The following RFX7 variants were observed in gnomAD, a reference collection of about 807,000 sequenced individuals.
RFX7 encodes the protein DNA-binding protein RFX7.
A neutral mutation model predicts 111.8 loss-of-function variants in RFX7; 26 were observed. That is an observed-to-expected ratio of 0.23 (90% CI 0.17 to 0.32). The LOEUF is 0.32. Ranked by LOEUF, RFX7 falls within the 10% of genes least tolerant of loss-of-function variation. The pLI is 1.00. For synonymous variants in RFX7, 624 were observed against 624.4 expected, an observed-to-expected ratio of 1.00 and a Z score of 0.01; for missense variants, 1,573 against 1,772.9, an observed-to-expected ratio of 0.89 and a Z score of 2.02.
chr15:56,097,274 G>C (rs188389938), intron 9 of RFX7, among the ~76,000 whole-genome samples: 35 of 152,218 alleles, frequency 2.3e-4, no homozygotes, highest in African/African-American at 7.9e-4. Context: ...GATAGGAAAG[G>C]AGGAGACTGT....
intron 5 of RFX7, among the ~76,000 whole-genome samples, chr15:56,113,996 A>C (rs2041972637): frequency 6.6e-6 from 1 of 152,236 alleles, no homozygotes; most frequent in African/African-American, 2.4e-5. Context: ...AATTAGCTTG[A>C]GCCTTAGAAA....
intron 2 of RFX7, among the ~76,000 whole-genome samples, chr15:56,198,114 G>A (rs2043161979): frequency 2.0e-5 from 3 of 152,104 alleles, no homozygotes; most frequent in African/African-American, 7.2e-5. Context: ...TAAAGAGATG[G>A]GAAAAACTTT....
intron 2 of RFX7, among the ~76,000 whole-genome samples, chr15:56,233,611 A>G (rs2043591917): frequency 6.6e-6 from 1 of 152,228 alleles, no homozygotes; most frequent in African/African-American, 2.4e-5. Flanking sequence ...GAAAGAAGGA[A>G]AAGTGATATC....
chr15:56,192,171 C>T (rs1004566219), intron 2 of RFX7, among the ~76,000 whole-genome samples: 1 of 152,074 alleles, frequency 6.6e-6, no homozygotes, highest in Non-Finnish European at 1.5e-5. Flanking sequence ...ATGGTGGAAT[C>T]TGTTACTACT....
chr15:56,148,752 A>C (rs1246913081), intron 3 of RFX7, among the ~76,000 whole-genome samples: 1 of 152,138 alleles, frequency 6.6e-6, no homozygotes, highest in Non-Finnish European at 1.5e-5. Context: ...GAATCTGATC[A>C]CAGTGATGTA....
intron 2 of RFX7, among the ~76,000 whole-genome samples, chr15:56,214,016 G>A (rs1456728518): frequency 6.6e-6 from 1 of 152,008 alleles, no homozygotes; most frequent in African/African-American, 2.4e-5. Context: ...GCCCATTGCT[G>A]CCATTATCTG....
chr15:56,183,829 A>AT (rs34891239), intron 2 of RFX7, among the ~76,000 whole-genome samples: 49,906 of 151,890 alleles, frequency 0.33, 9,323 homozygotes, highest in East Asian at 0.41. Flanking sequence ...GATAATTTGC[A>AT]TTTTTTTAAT....
chr15:56,187,111 T>G (rs2043048167), intron 2 of RFX7, among the ~76,000 whole-genome samples: 1 of 152,036 alleles, frequency 6.6e-6, no homozygotes, highest in Non-Finnish European at 1.5e-5. Context: ...TTATACATTC[T>G]GGACAAAATA....
chr15:56,188,584 G>A (rs1236180337), intron 2 of RFX7, among the ~76,000 whole-genome samples: 2 of 152,198 alleles, frequency 1.3e-5, no homozygotes, highest in African/African-American at 2.4e-5. Context: ...AATGAAACCT[G>A]ACTAATGATA....
intron 5 of RFX7, among the ~76,000 whole-genome samples, chr15:56,119,758 C>G (rs372791276): frequency 7.4e-6 from 1 of 135,726 alleles, no homozygotes; most frequent in Non-Finnish European, 1.5e-5. Flanking sequence ...GCCTGGGTGA[C>G]AGAGTGACAC....
chr15:56,222,593 T>A (rs2043439042), intron 2 of RFX7, among the ~76,000 whole-genome samples: 2 of 152,168 alleles, frequency 1.3e-5, no homozygotes, highest in Non-Finnish European at 2.9e-5. Flanking sequence ...TTCCAATCTG[T>A]CATTTAGCAT....
rs752319101 is a variant in RFX7, at chr15:56,144,496, G to A, written c.196-13C>T. Reference sequence around the variant, plus strand: ...TCTCAACTTCTTGCTATTTACAAAGGATTAAAAAGAAAGATCATTTTTAAA... The same window carrying A: ...TCTCAACTTCTTGCTATTTACAAAGAATTAAAAAGAAAGATCATTTTTAAA... On this transcript the variant is annotated splice_polypyrimidine_tract_variant and intron_variant, in intron 3 of 9. Coordinates refer to ENST00000559447, the MANE Select transcript of RFX7 (RefSeq NM_022841.7). The A allele has an allele frequency of 7.5e-7, 1 of 1,327,194 alleles. No homozygotes were observed. The allele number at this position is 1,327,194 out of a possible 1,614,324, so 82.2% of individuals were successfully genotyped here.
intron 5 of RFX7, among the ~76,000 whole-genome samples, chr15:56,111,105 T>C (rs1254308264): frequency 5.4e-5 from 7 of 129,858 alleles, no homozygotes; most frequent in African/African-American, 1.7e-4. Context: ...TACTGGGAAG[T>C]GAGGAGCCCC....
chr15:56,193,457 TTGA>T (rs1451069483), intron 2 of RFX7, among the ~76,000 whole-genome samples: 14 of 152,340 alleles, frequency 9.2e-5, no homozygotes, highest in African/African-American at 3.4e-4. Context: ...ATTTTTTAAA[TTGA>T]TGATTGTTGA....
intron 5 of RFX7, among the ~76,000 whole-genome samples, chr15:56,105,889 A>C (rs191019917): frequency 6.6e-6 from 1 of 152,184 alleles, no homozygotes; most frequent in Non-Finnish European, 1.5e-5. Context: ...GCAATTACAA[A>C]AATTGTTTGT....
chr15:56,179,761 A>AACACACACACACACACACAC (rs58597217), intron 2 of RFX7, among the ~76,000 whole-genome samples: 2 of 137,332 alleles, frequency 1.5e-5, no homozygotes, highest in African/African-American at 2.8e-5. Flanking sequence ...TCTCTGTCTC[A>AACACACACACACACACACAC]ACACACACAC....
In RFX7 at chr15:56,227,687, C is replaced by T. The variant is rs74017494; in HGVS notation, c.161+15438G>A. Among the ~76,000 whole-genome samples the T allele has an allele frequency of 3.4e-3, 514 of 152,196 alleles. 4 individuals are homozygous for T. Among genetic ancestry groups the T allele is most frequent in the African/African-American group, 0.011 (476 of 41,528 alleles). Reference sequence around the variant, plus strand: ...TGAATGACACTGTTGTTATTCATTTCGCTTATCCATGAGCTGTACTCAATG... The same window carrying T: ...TGAATGACACTGTTGTTATTCATTTTGCTTATCCATGAGCTGTACTCAATG... On this transcript the variant is annotated intron_variant, in intron 2 of 9. Coordinates refer to ENST00000559447, the MANE Select transcript of RFX7 (RefSeq NM_022841.7).
chr15:56,136,676 G>A (rs1401218104), intron 5 of RFX7, among the ~76,000 whole-genome samples: 1 of 151,356 alleles, frequency 6.6e-6, no homozygotes, highest in Non-Finnish European at 1.5e-5. Flanking sequence ...GGTGAGAGAG[G>A]GCATCCCTGT....
chr15:56,220,254 G>C (rs1198649461), intron 2 of RFX7, among the ~76,000 whole-genome samples: 1 of 152,006 alleles, frequency 6.6e-6, no homozygotes, highest in Non-Finnish European at 1.5e-5. Context: ...TTTTGAGACA[G>C]AGTTTTGCTC....
Sources: gnomAD v4.1 joint callset for allele counts (sites outside exome capture counted in the v4.1 genomes callset) on GRCh38, gnomAD v4.1.1 for gene constraint, MANE v1.5 for transcripts, NCBI Gene and HGNC (gene_info 2026-07-23, HGNC 2026-07-21) for gene names.